The following DUSP4 variants were observed in gnomAD, a reference collection of about 807,000 sequenced individuals.
The protein encoded by DUSP4 is dual specificity phosphatase 4.
A neutral mutation model predicts 27.2 loss-of-function variants in DUSP4; 12 were observed. The observed-to-expected ratio is 0.44, with a 90% CI of 0.28 to 0.71. The LOEUF is 0.71. DUSP4 is among the 30% of genes least tolerant of loss of function. DUSP4 has a pLI of 0.14. For missense variants in DUSP4, 448 were observed against 551.3 expected (o/e 0.81, Z 1.88); for synonymous variants, 257 against 245.2 (o/e 1.05, Z -0.45).
In DUSP4 at chr8:29,349,909, C is replaced by G. The variant is rs1486674564; in HGVS notation, c.370G>C (p.Val124Leu). 7.0e-6 allele frequency: 11 copies of G among 1,570,352 alleles called. No homozygotes were observed. The highest frequency in any genetic ancestry group is 9.5e-6 in the Non-Finnish European group (11 of 1,161,592). ...RAESLREDST[V>L]SLVVQALRRN... ...CGCAGCGCCTGCACCACCAGCGACA[C>G]GGTGCTGTCCTCGCGGAGGCTCTCG... The change falls in exon 1 of 4, where the codon GTG (valine) becomes CTG (leucine). Residue 124 changes from valine (V) to leucine (L), a missense_variant. Around this residue, in one of 3 missense-constraint regions of DUSP4, gnomAD observed 345 missense variants for 394.0 expected, o/e 0.88. Transcript: ENST00000240100.
rs1348716689 is a variant in DUSP4 at position 29,350,559 on chromosome 8, G to A, written c.-281C>T. ...TGGAGGAGAGTGTGTTTACGAGAGA[G>A]GACCGCGGACTCTTTTCGGCGACGG... On this transcript the variant is annotated 5_prime_UTR_variant, in exon 1 of 4. Coordinates refer to ENST00000240100, the MANE Select transcript of DUSP4 (RefSeq NM_001394.7). 1 of 412,096 alleles carries A rather than the reference G, an allele frequency of 2.4e-6. No individual in the cohort carries two copies. Among genetic ancestry groups the A allele is most frequent in the Non-Finnish European group, 4.3e-6 (1 of 233,882 alleles). 25.5% of individuals were successfully genotyped at this position (412,096 alleles called of 1,614,324 possible).
At position 29,350,565 on chromosome 8, in the gene DUSP4, C is replaced by G. The variant is rs1234494778; in HGVS notation, c.-287G>C. On this transcript the variant is annotated 5_prime_UTR_variant, in exon 1 of 4. Coordinates refer to ENST00000240100, the MANE Select transcript of DUSP4 (RefSeq NM_001394.7). The stretch of plus-strand genomic sequence containing the variant: ...AGAGTGTGTTTACGAGAGAGGACCG[C>G]GGACTCTTTTCGGCGACGGCCTCCC... 3 of 396,306 alleles carry G rather than the reference C, an allele frequency of 7.6e-6. No individual in the cohort carries two copies. The highest frequency in any genetic ancestry group is 1.3e-5 in the Non-Finnish European group (3 of 224,186). 24.5% of individuals were successfully genotyped at this position (396,306 alleles called of 1,614,324 possible).
chr8:29,343,025 G>A (rs1019454984), intron 1 of DUSP4, among the ~76,000 whole-genome samples: 14 of 151,978 alleles, frequency 9.2e-5, no homozygotes, highest in East Asian at 1.9e-4. Flanking sequence ...AAAATTAGCC[G>A]GGCGTGGTGG....
chr8:29,338,684 G>A (rs1817614642), intron 2 of DUSP4, among the ~76,000 whole-genome samples, 183 bp from the exon 3 acceptor site: 1 of 152,174 alleles, frequency 6.6e-6, no homozygotes, highest in Non-Finnish European at 1.5e-5. Context: ...TAGGCCCAGT[G>A]GGACTTCTCC....
chr8:29,338,229 T>C, intron 3 of DUSP4, 53 bp downstream of exon 3: 9 of 1,580,914 alleles, frequency 5.7e-6, no homozygotes, highest in Non-Finnish European at 7.8e-6. Context: ...AGGGGTTCCT[T>C]ATCCTTCCCA....
At chr8:29,343,670 T>G (rs1197593440) in intron 1 of DUSP4, among the ~76,000 whole-genome samples, 2 of 152,196 alleles carry the variant, frequency 1.3e-5, no homozygotes, top group Non-Finnish European at 2.9e-5. Context: ...TTCTACCCAT[T>G]GGTTTCCTAA....
Position 29,337,495 on chromosome 8 carries a change from G to A in DUSP4, c.800-84C>T. The A allele has an allele frequency of 6.6e-7, 1 of 1,505,230 alleles. No individual in the cohort carries two copies. The highest frequency in any genetic ancestry group is 8.8e-7 in the Non-Finnish European group (1 of 1,134,896). 93.2% of individuals were successfully genotyped at this position (1,505,230 alleles called of 1,614,324 possible). On this transcript the variant is annotated intron_variant, in intron 3 of 3. Coordinates refer to ENST00000240100, the MANE Select transcript of DUSP4 (RefSeq NM_001394.7). This position sits in a 1 kb window ranked among gnomAD's most constrained non-coding sequence, Gnocchi z 6.4. ...GGCACCGGCCAGCCCCTGGGGTCGG[G>A]GGGCTCTGAAGGAAGGACTAGCCGT...
intron 1 of DUSP4, among the ~76,000 whole-genome samples, chr8:29,348,989 C>G (rs948471480): frequency 5.3e-5 from 8 of 152,204 alleles, no homozygotes; most frequent in African/African-American, 1.7e-4. Context: ...CCTCCAGGGA[C>G]TCGGACAGCA....
rs764036299 is a variant in DUSP4, at chr8:29,337,008, G to A, written c.*18C>T. On this transcript the variant is annotated 3_prime_UTR_variant, in exon 4 of 4. Coordinates refer to ENST00000240100, the MANE Select transcript of DUSP4 (RefSeq NM_001394.7). The surrounding 1 kb of genome is among the most constrained non-coding windows in gnomAD (Gnocchi z 6.4). The stretch of plus-strand genomic sequence containing the variant: ...CTTGCTGGGAGCCAGCTCTGGTTCT[G>A]GGGCCCCCAGGGCGGCTCTAACAGC... The A allele has an allele frequency of 1.1e-5, 18 of 1,568,888 alleles. No individual in the cohort carries two copies. The South Asian group carries it at 1.4e-4, about 12-fold the overall frequency.
chr8:29,343,588 T>C (rs1817686714), intron 1 of DUSP4, among the ~76,000 whole-genome samples: 1 of 152,202 alleles, frequency 6.6e-6, no homozygotes. Flanking sequence ...TTTCATCAAG[T>C]GAAGACAGAC....
Position 29,350,242 on chromosome 8 carries a change from T to C in DUSP4, c.37A>G (p.Ser13Gly), listed in dbSNP as rs1025849207. 3.1e-6 allele frequency: 5 copies of C among 1,600,506 alleles called. No homozygotes were observed. Among genetic ancestry groups the C allele is most frequent in the Non-Finnish European group, 4.3e-6 (5 of 1,172,812 alleles). The part of the protein sequence containing the change: ...TMEELREMDC[S>G]VLKRLMNRDE... The stretch of plus-strand genomic sequence containing the variant: ...CGGTTCATCAGCCTTTTGAGCACAC[T>C]GCAGTCCATCTCCCGCAGCTCCTCC... The change falls in exon 1 of 4, where the codon AGT becomes GGT. Residue 13 changes from serine (S) to glycine (G), a missense_variant. Physicochemically the swap from Ser to Gly is moderately conservative, Grantham distance 56. Around this residue, in one of 3 missense-constraint regions of DUSP4, gnomAD observed 345 missense variants for 394.0 expected, o/e 0.88. Transcript: ENST00000240100.
chr8:29,345,427 C>T, intron 1 of DUSP4: 2 of 1,614,110 alleles, frequency 1.2e-6, no homozygotes, highest in Non-Finnish European at 1.7e-6. Flanking sequence ...ACACCTAACG[C>T]CATGCTGGGG....
intron 1 of DUSP4, chr8:29,345,941 A>ATAATTGCAAGCAGAAAGGCTATTT (rs1554634624): frequency 8.1e-6 from 8 of 988,200 alleles, no homozygotes; most frequent in Middle Eastern, 1.0e-3. Flanking sequence ...AGAAACTACC[A>ATAATTGCAAGCAGAAAGGCTATTT]TATTTGCAAG....
chr8:29,338,016 C>G (rs555595316), intron 3 of DUSP4, among the ~76,000 whole-genome samples: 1 of 152,086 alleles, frequency 6.6e-6, no homozygotes, highest in African/African-American at 2.4e-5. Context: ...TCTTCCTCCC[C>G]GTCCAAAAAC....
chr8:29,341,005 G>A (rs1817649428), intron 1 of DUSP4, among the ~76,000 whole-genome samples: 1 of 152,178 alleles, frequency 6.6e-6, no homozygotes, highest in South Asian at 2.1e-4. Flanking sequence ...GAGGGGTGGA[G>A]GCAGGTGGGA....
Position 29,348,249 on chromosome 8 carries a change from G to A in DUSP4, c.433+1597C>T, listed in dbSNP as rs912829683. The A allele has an allele frequency of 5.1e-6, 5 of 985,466 alleles. No individual in the cohort carries two copies. The African/African-American group carries it at 8.7e-5, about 17-fold the overall frequency. The allele number at this position is 985,466 out of a possible 1,614,324, so 61.0% of individuals were successfully genotyped here. On this transcript the variant is annotated intron_variant, in intron 1 of 3. Transcript: ENST00000240100. ...ACATCCCGGCCAGCCCCGGCCATTC[G>A]AGGGGACTTGCGTCCCAGAGGAATT...
At chr8:29,340,364 T>A (rs1292864868) in intron 1 of DUSP4, 121 bp from the exon 2 acceptor site, 2 of 1,301,924 alleles carry the variant, frequency 1.5e-6, no homozygotes, top group Non-Finnish European at 2.1e-6. Context: ...GTGCTCCATA[T>A]TGGCCACTAG....
In DUSP4 at chr8:29,337,140, G is replaced by A. The variant is rs778957038; in HGVS notation, c.1071C>T (p.Pro357=). Residue 357 remains proline, a synonymous_variant, in exon 4 of 4, where the codon CCC becomes CCT. Transcript: ENST00000240100. The surrounding 1 kb of genome is among the most constrained non-coding windows in gnomAD (Gnocchi z 6.4). ...AGACGAACTGCGAGGTGGGGGTGGC[G>A]GGGGTCTTGCCCCGCTCCCGCAGGG... is the stretch of plus-strand genomic sequence containing the variant. ...SGPLRERGKT[P]ATPTSQFVFS... 8 of 1,610,772 alleles carry A rather than the reference G, an allele frequency of 5.0e-6. No individual in the cohort carries two copies. The highest frequency in any genetic ancestry group is 3.4e-5 in the Admixed American group (2 of 59,622).
chr8:29,345,256 GGTT>G, intron 1 of DUSP4: 5 of 1,261,314 alleles, frequency 4.0e-6, no homozygotes, highest in Non-Finnish European at 2.2e-6. Flanking sequence ...GAAAGTCTGG[GGTT>G]GTTTGAAGGC....
Sources: allele counts gnomAD v4.1 joint callset (sites outside exome capture counted in the v4.1 genomes callset), GRCh38; gene constraint gnomAD v4.1.1; regional missense constraint gnomAD v4.1.1; non-coding constraint Gnocchi (gnomAD v3.1); transcripts MANE v1.5; gene names NCBI Gene and HGNC (gene_info 2026-07-23, HGNC 2026-07-21).